Variants in FAM110B observed in about 807,000 individuals in gnomAD.
FAM110B encodes the protein protein FAM110B.
A neutral mutation model predicts 20.4 loss-of-function variants in FAM110B; 6 were observed. The observed-to-expected ratio is 0.29, with a 90% CI of 0.16 to 0.58. FAM110B has a LOEUF of 0.58. FAM110B is among the 20% of genes least tolerant of loss of function. FAM110B has a pLI of 0.90. For synonymous variants in FAM110B, 226 were observed against 214.1 expected, an observed-to-expected ratio of 1.06 and a Z score of -0.49; for missense variants, 434 against 498.2, an observed-to-expected ratio of 0.87 and a Z score of 1.23.
chr8:58,022,876 C>T (rs966726557), intron 1 of FAM110B, among the ~76,000 whole-genome samples: 1 of 152,212 alleles, frequency 6.6e-6, no homozygotes, highest in Non-Finnish European at 1.5e-5. Context: ...TGATTAGTCT[C>T]TCCAGGGGCA....
chr8:58,006,923 A>ATATATATTTTTTTTTTTTT, intron 1 of FAM110B, among the ~76,000 whole-genome samples: 7 of 126,534 alleles, frequency 5.5e-5, no homozygotes, highest in Non-Finnish European at 8.2e-5. Context: ...ATATATATAT[A>ATATATATTTTTTTTTTTTT]TTTTTCCAAA....
intron 1 of FAM110B, among the ~76,000 whole-genome samples, chr8:57,995,481 T>C (rs931381475): frequency 6.6e-6 from 1 of 152,194 alleles, no homozygotes; most frequent in Non-Finnish European, 1.5e-5. Flanking sequence ...GGCTCACTCG[T>C]GTCTCCATCA....
At chr8:58,053,458 G>A (rs1805493340) in intron 2 of FAM110B, among the ~76,000 whole-genome samples, 1 of 152,194 alleles carries the variant, frequency 6.6e-6, no homozygotes, top group Non-Finnish European at 1.5e-5. Flanking sequence ...ATGTGGTGGG[G>A]TCACGTTTAG....
At chr8:58,059,599 T>A (rs565537041) in intron 2 of FAM110B, among the ~76,000 whole-genome samples, 1 of 152,134 alleles carries the variant, frequency 6.6e-6, no homozygotes, top group South Asian at 2.1e-4. Flanking sequence ...GTTGGATTGC[T>A]GTTCTTTTGT....
At chr8:58,087,997 C>T (rs1778513078) in intron 3 of FAM110B, among the ~76,000 whole-genome samples, 1 of 152,084 alleles carries the variant, frequency 6.6e-6, no homozygotes, top group South Asian at 2.1e-4. Context: ...CAAGAGGCTT[C>T]CCCAGAAGTA....
At chr8:58,084,218 T>C (rs1427038592) in intron 3 of FAM110B, among the ~76,000 whole-genome samples, 4 of 152,214 alleles carry the variant, frequency 2.6e-5, no homozygotes, top group African/African-American at 9.6e-5. Flanking sequence ...GTAGAAGGTA[T>C]GGATGGTGTA....
chr8:58,075,699 C>T (rs1334321600), intron 3 of FAM110B, 76 bp downstream of exon 3: 2 of 151,972 alleles, frequency 1.3e-5, no homozygotes, highest in Non-Finnish European at 2.9e-5. Flanking sequence ...GTCATTATTG[C>T]ACTAAGACAA....
intron 1 of FAM110B, among the ~76,000 whole-genome samples, chr8:58,027,856 T>C (rs1431996689): frequency 6.6e-6 from 1 of 152,232 alleles, no homozygotes; most frequent in Non-Finnish European, 1.5e-5. Context: ...TGATGGACGT[T>C]TGGATTCTTT....
At chr8:58,113,249 A>G (rs1388115182) in intron 3 of FAM110B, 1 of 163,674 alleles carries the variant, frequency 6.1e-6, no homozygotes, top group African/African-American at 2.4e-5. Flanking sequence ...TGCCTGCTTG[A>G]TGAGATTTGG....
chr8:58,069,516 C>T lies in FAM110B; in HGVS notation c.-413-6019C>T, dbSNP rs191077921. Among the ~76,000 whole-genome samples the T allele has an allele frequency of 2.4e-4, 37 of 152,244 alleles. No homozygotes were observed. The South Asian group carries it at 3.1e-3, about 13-fold the overall frequency. On this transcript the variant is annotated intron_variant, in intron 2 of 3. Coordinates refer to ENST00000519262, the MANE Select transcript of FAM110B (RefSeq NM_001377989.1). ...ATTTGGCTTCTAGAAGTAGTTTGGC[C>T]GTTCAGTTGTGTAGTGGCCAAATGT...
intron 2 of FAM110B, among the ~76,000 whole-genome samples, chr8:58,051,512 A>T (rs1805440254): frequency 1.3e-5 from 2 of 152,252 alleles, no homozygotes; most frequent in South Asian, 2.1e-4. Flanking sequence ...AGCAAGCTAT[A>T]AGACAAAATC....
chr8:58,047,818 A>T (rs1238681095), intron 2 of FAM110B, among the ~76,000 whole-genome samples: 2 of 152,076 alleles, frequency 1.3e-5, no homozygotes, highest in Non-Finnish European at 2.9e-5. Context: ...TTGATATCTT[A>T]GGGCTTTAAA....
At chr8:58,072,783 G>A (rs898597546) in intron 2 of FAM110B, among the ~76,000 whole-genome samples, 12 of 152,114 alleles carry the variant, frequency 7.9e-5, no homozygotes, top group African/African-American at 2.9e-4. Flanking sequence ...TTTCTCCTGA[G>A]GTCTCAACAG....
chr8:58,147,473 A>G lies in FAM110B; in HGVS notation c.*130A>G. The G allele has an allele frequency of 2.6e-6, 3 of 1,171,102 alleles. No individual in the cohort carries two copies. Among genetic ancestry groups the G allele is most frequent in the Non-Finnish European group, 3.6e-6 (3 of 837,624 alleles). The allele number at this position is 1,171,102 out of a possible 1,614,324, so 72.5% of individuals were successfully genotyped here. On this transcript the variant is annotated 3_prime_UTR_variant, in exon 4 of 4. Transcript: ENST00000519262. ...TTGTTGTGCAATGTTTTCAAGTTGC[A>G]TGCTTGTCAACATGGGGACTGACCT...
At chr8:58,049,553 G>A (rs181495186) in intron 2 of FAM110B, among the ~76,000 whole-genome samples, 78 of 152,232 alleles carry the variant, frequency 5.1e-4, no homozygotes, top group African/African-American at 1.8e-3. Context: ...ACGGAGGATA[G>A]ACACTTTAAT....
chr8:58,117,487 A>G (rs765707810), intron 3 of FAM110B, among the ~76,000 whole-genome samples: 5 of 152,208 alleles, frequency 3.3e-5, no homozygotes, highest in Non-Finnish European at 5.9e-5. Flanking sequence ...GCCACATGGT[A>G]GTCATGAGAA....
At position 58,020,065 on chromosome 8, in the gene FAM110B, A is replaced by G. The variant is rs117745662; in HGVS notation, c.-511-11541A>G. Among the ~76,000 whole-genome samples, 174 of 151,896 alleles carry G rather than the reference A, an allele frequency of 1.1e-3. 3 individuals carry two copies. In the East Asian group the frequency reaches 0.031, roughly 27 times the overall value. ...AAATTTGTGTGTTTTTTTTCCTTCT[A>G]CAAAGTCCAATTAGCAAGCCATTCA... On this transcript the variant is annotated intron_variant, in intron 1 of 3. Transcript: ENST00000519262.
chr8:58,091,903 C>G (rs1454603128), intron 3 of FAM110B, among the ~76,000 whole-genome samples: 1 of 152,048 alleles, frequency 6.6e-6, no homozygotes, highest in Admixed American at 6.5e-5. Flanking sequence ...TAACTCCATA[C>G]CAGTTTTAAA....
intron 3 of FAM110B, among the ~76,000 whole-genome samples, chr8:58,081,207 T>G (rs899903497): frequency 1.3e-5 from 2 of 152,156 alleles, no homozygotes; most frequent in African/African-American, 4.8e-5. Context: ...AAAATTCTTT[T>G]TCTTATTTTT....
Sources: gnomAD v4.1 joint callset for allele counts (sites outside exome capture counted in the v4.1 genomes callset) on GRCh38, gnomAD v4.1.1 for gene constraint, MANE v1.5 for transcripts, NCBI Gene and HGNC (gene_info 2026-07-23, HGNC 2026-07-21) for gene names.